The following LATS2 variants were observed in gnomAD, a reference collection of about 807,000 sequenced individuals.
The protein encoded by LATS2 is large tumor suppressor kinase 2, also known as serine/threonine-protein kinase LATS2.
LATS2 carries 24 observed loss-of-function variants against 76.0 expected under a neutral mutation model. That is an observed-to-expected ratio of 0.32 (90% CI 0.23 to 0.44). LATS2 has a LOEUF of 0.44. Among genes scored for constraint, LATS2 ranks in the 20% least tolerant of loss-of-function variants. The pLI is 1.00. For missense variants in LATS2, 1,286 were observed against 1,481.2 expected, an observed-to-expected ratio of 0.87 and a Z score of 2.16; for synonymous variants, 692 against 635.4, an observed-to-expected ratio of 1.09 and a Z score of -1.34.
At chr13:21,058,767 T>C (rs948306993) in intron 1 of LATS2, among the ~76,000 whole-genome samples, 1 of 152,238 alleles carries the variant, frequency 6.6e-6, no homozygotes, top group Non-Finnish European at 1.5e-5. Context: ...TTCAAAGGAA[T>C]GCTGGTATAT....
Position 20,988,224 on chromosome 13 carries a change from G to A in LATS2, c.1556C>T (p.Pro519Leu), listed in dbSNP as rs202040927. ...CTTGCTGCGCAGCAGCAGGTGCTTC[G>A]GGTAGGGCGGAGGCGGGCACCTCCG... ...PDRRCPPPPYPKHLLLRSKSE... is the reference protein window; with the variant it reads ...PDRRCPPPPYLKHLLLRSKSE... The change falls in exon 4 of 8, where the codon CCG becomes CTG. Residue 519 changes from proline to leucine, a missense_variant. Physicochemically the swap from Pro to Leu is moderately conservative, Grantham distance 98. Transcript: ENST00000382592. The A allele has an allele frequency of 3.7e-6, 6 of 1,608,078 alleles. No individual in the cohort carries two copies. The African/African-American group carries it at 4.0e-5, about 11-fold the overall frequency.
chr13:21,045,114 C>T (rs578070535), intron 2 of LATS2, among the ~76,000 whole-genome samples: 1 of 151,036 alleles, frequency 6.6e-6, no homozygotes, highest in African/African-American at 2.4e-5. Flanking sequence ...GACTGTGTTG[C>T]CACAATTTTG....
In LATS2 at chr13:20,975,040, G is replaced by A. The variant is rs757005967; in HGVS notation, c.3097C>T (p.Pro1033Ser). 2.5e-6 allele frequency: 4 copies of A among 1,614,128 alleles called. No individual in the cohort carries two copies. In the African/African-American group the frequency reaches 5.3e-5, roughly 22 times the overall value. The change falls in exon 8 of 8, where the codon CCT becomes TCT. Residue 1033 changes from proline to serine, a missense_variant. Transcript: ENST00000382592. ...DTLTSPNNKH[P>S]EHAFYEFTFR... The stretch of plus-strand genomic sequence containing the variant: ...GTGAATTCGTAAAATGCGTGCTCAG[G>A]ATGCTTGTTATTGGGCGAGGTGAGT...
Position 20,988,851 on chromosome 13 carries a change from C to T in LATS2, c.929G>A (p.Gly310Glu), listed in dbSNP as rs370973977. 6.0e-5 allele frequency: 95 copies of T among 1,590,010 alleles called. No homozygotes were observed. The highest frequency in any genetic ancestry group is 1.7e-4 in the Middle Eastern group (1 of 5,972). ...GTGGTGTGGGTGCGGCACGTAGAGC[C>T]CGGCGGCAGGGGGTGGGAAAGCGAG... ...AGLAFPPPAA[G>E]LYVPHPHHKQ... The change falls in exon 4 of 8, where the codon GGG (glycine) becomes GAG (glutamate). Residue 310 changes from glycine (G) to glutamate (E), a missense_variant. Physicochemically the swap from Gly to Glu is moderately conservative, Grantham distance 98. Coordinates refer to ENST00000382592, the MANE Select transcript of LATS2 (RefSeq NM_014572.3).
intron 1 of LATS2, among the ~76,000 whole-genome samples, chr13:21,049,785 T>C (rs1873198534): frequency 6.6e-6 from 1 of 152,056 alleles, no homozygotes; most frequent in Non-Finnish European, 1.5e-5. Context: ...GAGGTCCTGG[T>C]TGACTCTGAG....
chr13:21,025,539 A>T (rs1406787160), intron 2 of LATS2, among the ~76,000 whole-genome samples: 2 of 151,848 alleles, frequency 1.3e-5, no homozygotes, highest in Non-Finnish European at 2.9e-5. Context: ...TTATTCAATA[A>T]CTCTACCTTT....
chr13:21,044,407 G>A (rs1872988317), intron 2 of LATS2, among the ~76,000 whole-genome samples: 1 of 152,148 alleles, frequency 6.6e-6, no homozygotes, highest in African/African-American at 2.4e-5. Flanking sequence ...ATTCTGATGT[G>A]CTTTGAGCAT....
chr13:21,040,987 T>G (rs1168135666), intron 2 of LATS2, among the ~76,000 whole-genome samples: 1 of 152,108 alleles, frequency 6.6e-6, no homozygotes. Flanking sequence ...CTTTTTTTTT[T>G]TCTGAGGCAG....
Position 20,989,211 on chromosome 13 carries a change from G to T in LATS2, c.569C>A (p.Pro190His), listed in dbSNP as rs143535162. 6.6e-5 allele frequency: 106 copies of T among 1,613,722 alleles called. No homozygotes were observed. The highest frequency in any genetic ancestry group is 8.5e-6 in the Non-Finnish European group (10 of 1,180,020). Residue 190 changes from proline (P) to histidine (H), a missense_variant, in exon 4 of 8, where the codon CCC (proline) becomes CAC (histidine). Around this residue, in one of 5 missense-constraint regions of LATS2, gnomAD observed 710 missense variants for 660.9 expected, o/e 1.07. Coordinates refer to ENST00000382592, the MANE Select transcript of LATS2 (RefSeq NM_014572.3). The part of the protein sequence containing the change: ...FASYHQLSGT[P>H]YEGPSFGADG... Reference sequence around the variant, plus strand: ...AGCGCCGAAGCTTGGGCCCTCGTAGGGGGTACCGCTCAGCTGGTGGTAGGA... The same window carrying T: ...AGCGCCGAAGCTTGGGCCCTCGTAGTGGGTACCGCTCAGCTGGTGGTAGGA...
Position 20,981,614 on chromosome 13 carries a change from G to A in LATS2, c.2517C>T (p.Ser839=), listed in dbSNP as rs771575305. The A allele has an allele frequency of 7.4e-6, 12 of 1,613,706 alleles. No individual in the cohort carries two copies. Among genetic ancestry groups the A allele is most frequent in the Admixed American group, 6.7e-5 (4 of 59,954 alleles). ...AGTTAGACACATCATCCCAGAGGTC[G>A]CTGGGCTCCATGCTGTCCTGTCTGA... The part of the protein sequence containing the change: ...SHVRQDSMEP[S]DLWDDVSNCR... Residue 839 remains serine, a synonymous_variant, in exon 6 of 8, where the codon AGC becomes AGT. Coordinates refer to ENST00000382592, the MANE Select transcript of LATS2 (RefSeq NM_014572.3).
intron 4 of LATS2, among the ~76,000 whole-genome samples, chr13:20,987,110 G>A (rs768351824): frequency 2.0e-5 from 3 of 152,176 alleles, no homozygotes; most frequent in Non-Finnish European, 4.4e-5. Flanking sequence ...CAGGAGAATC[G>A]CTTGAACCCA....
chr13:21,058,901 ATATTT>A (rs1873533738), intron 1 of LATS2, among the ~76,000 whole-genome samples: 1 of 152,082 alleles, frequency 6.6e-6, no homozygotes. Context: ...TCATTTTGGA[ATATTT>A]TTTCTGTTAC....
chr13:21,056,096 T>C lies in LATS2; in HGVS notation c.-205+5250A>G, dbSNP rs114965445. On this transcript the variant is annotated intron_variant, in intron 1 of 7. Coordinates refer to ENST00000382592, the MANE Select transcript of LATS2 (RefSeq NM_014572.3). ...GCATTGCCATATGTGTACTGAGCAT[T>C]GTGCTGGACACTATAAGGTCTCACC... 2.2e-3 allele frequency among the ~76,000 whole-genome samples: 332 copies of C among 152,342 alleles called. 6 individuals are homozygous for C. The highest frequency in any genetic ancestry group is 7.7e-3 in the African/African-American group (320 of 41,578).
At position 21,046,083 on chromosome 13, in the gene LATS2, TA is replaced by T. The variant is rs112886172; in HGVS notation, c.-58del. On this transcript the variant is annotated 5_prime_UTR_variant, in exon 2 of 8. Transcript: ENST00000382592. ...AATCTTCTTAAAGTGTTTTATTATT[TA>T]AAAAAAAAAACTGTCAATAGTATCA... is the stretch of plus-strand genomic sequence containing the variant. 4.8e-3 allele frequency: 4,721 copies of T among 973,686 alleles called. 8 individuals carry two copies. The highest frequency in any genetic ancestry group is 0.026 in the East Asian group (914 of 35,126). The allele number at this position is 973,686 out of a possible 1,614,324, so 60.3% of individuals were successfully genotyped here.
intron 6 of LATS2, among the ~76,000 whole-genome samples, chr13:20,981,011 G>A (rs1869848049): frequency 6.6e-6 from 1 of 152,200 alleles, no homozygotes; most frequent in South Asian, 2.1e-4. Context: ...TGGTCTAGCA[G>A]GGAGAATGAG....
At chr13:21,042,812 G>A (rs1438012301) in intron 2 of LATS2, among the ~76,000 whole-genome samples, 1 of 151,308 alleles carries the variant, frequency 6.6e-6, no homozygotes, top group African/African-American at 2.4e-5. Flanking sequence ...CACGAAACCC[G>A]TCTCTACTAA....
intron 2 of LATS2, among the ~76,000 whole-genome samples, chr13:21,008,696 G>A (rs796789550): frequency 5.9e-5 from 9 of 152,270 alleles, no homozygotes; most frequent in African/African-American, 2.2e-4. Context: ...AACAGCAAGT[G>A]TTGGCAAAGT....
At chr13:21,002,085 T>C (rs1328632052) in intron 2 of LATS2, among the ~76,000 whole-genome samples, 7 of 151,514 alleles carry the variant, frequency 4.6e-5, no homozygotes, top group African/African-American at 1.7e-4. Flanking sequence ...GGCTAATTTT[T>C]TGTATTTTTA....
intron 2 of LATS2, among the ~76,000 whole-genome samples, chr13:21,020,080 T>A (rs1595239325): frequency 6.6e-6 from 1 of 151,704 alleles, no homozygotes; most frequent in Non-Finnish European, 1.5e-5. Flanking sequence ...TTTACGAAAG[T>A]GGTTGAAGGA....
Sources: gnomAD v4.1 joint callset for allele counts (sites outside exome capture counted in the v4.1 genomes callset) on GRCh38, gnomAD v4.1.1 for gene constraint, gnomAD v4.1.1 regional missense constraint, MANE v1.5 for transcripts, NCBI Gene and HGNC (gene_info 2026-07-23, HGNC 2026-07-21) for gene names.